Variants in BCAS3 observed in about 807,000 individuals in gnomAD.
BCAS3 encodes BCAS4/BCAS3 fusion.
A neutral mutation model predicts 116.1 loss-of-function variants in BCAS3; 53 were observed. That is an observed-to-expected ratio of 0.46 (90% confidence interval 0.37 to 0.57). The LOEUF is 0.57. Among genes scored for constraint, BCAS3 ranks in the 20% least tolerant of loss-of-function variants. The pLI, the probability that BCAS3 is intolerant of heterozygous loss-of-function variation, is 0.00. For missense variants in BCAS3, 917 were observed against 1,165.4 expected (o/e 0.79, Z 3.10); for synonymous variants, 391 against 408.2 (o/e 0.96, Z 0.51).
rs2076485126 is a variant in BCAS3 at position 61,134,045 on chromosome 17, AG to A, written c.2425+49484del. Among the ~76,000 whole-genome samples the A allele has an allele frequency of 6.6e-6, 1 of 152,198 alleles. No homozygotes were observed. Among genetic ancestry groups the A allele is most frequent in the African/African-American group, 2.4e-5 (1 of 41,456 alleles). ...AAGACTGCAAAGTAATTTTAAATTG[AG>A]GGATGTACTAACAAAGGAGTCATAT... is the stretch of plus-strand genomic sequence containing the variant. On this transcript the variant is annotated intron_variant, in intron 22 of 23. Transcript: ENST00000407086. The surrounding 1 kb of genome is among the most constrained non-coding windows in gnomAD (Gnocchi z 4.6).
chr17:60,812,987 C>T (rs895359703), intron 7 of BCAS3, among the ~76,000 whole-genome samples: 2 of 152,264 alleles, frequency 1.3e-5, no homozygotes, highest in South Asian at 4.2e-4. Context: ...AAGCAATCCT[C>T]CTATCCCAGC....
At chr17:60,868,831 C>CT in intron 8 of BCAS3, 148 bp downstream of exon 8, 1 of 485,686 alleles carries the variant, frequency 2.1e-6, no homozygotes. Flanking sequence ...TGGAATAACT[C>CT]TAAGATTTCT....
intron 5 of BCAS3, among the ~76,000 whole-genome samples, chr17:60,746,026 A>G (rs2041987407): frequency 6.6e-6 from 1 of 152,238 alleles, no homozygotes; most frequent in South Asian, 2.1e-4. Context: ...TACATCTTTG[A>G]TATTTTAAAC....
rs186327387 is a variant in BCAS3 at position 60,768,802 on chromosome 17, A to T, written c.403+21523A>T. On this transcript the variant is annotated intron_variant, in intron 6 of 23. Transcript: ENST00000407086. ...CTGCTCCAGGATGGCTTGCACTGGC[A>T]CCAGTGTCAGCGGGCCTAGGTGGTC... 4.4e-4 allele frequency among the ~76,000 whole-genome samples: 67 copies of T among 152,246 alleles called. 1 individual carries two copies. The highest frequency in any genetic ancestry group is 4.1e-3 in the Admixed American group (62 of 15,278).
chr17:60,924,518 C>A lies in BCAS3; in HGVS notation c.1087+18C>A. ...TACAAGTGGTAAGTTCGCTCTCTGT[C>A]TTTTTTTTTTTTTTTTTTGTAGACC... On this transcript the variant is annotated intron_variant, in intron 13 of 23. Coordinates refer to ENST00000407086, the MANE Select transcript of BCAS3 (RefSeq NM_017679.5). The A allele has an allele frequency of 4.3e-4, 472 of 1,099,864 alleles. No individual in the cohort carries two copies. The highest frequency in any genetic ancestry group is 5.4e-4 in the Non-Finnish European group (435 of 801,468). 68.1% of individuals were successfully genotyped at this position (1,099,864 alleles called of 1,614,324 possible).
chr17:60,756,599 G>T (rs906209334), intron 6 of BCAS3, among the ~76,000 whole-genome samples: 2 of 152,124 alleles, frequency 1.3e-5, no homozygotes, highest in African/African-American at 2.4e-5. Flanking sequence ...GCAGTGACAT[G>T]ATTTTATTAT....
chr17:60,923,556 A>G (rs1220571538), intron 12 of BCAS3, among the ~76,000 whole-genome samples: 1 of 152,134 alleles, frequency 6.6e-6, no homozygotes, highest in Non-Finnish European at 1.5e-5. Context: ...TTTTTGAGAG[A>G]AAAAAATAGC....
In BCAS3 at chr17:61,063,427, G is replaced by A. The variant is rs947968834; in HGVS notation, c.2030-11493G>A. Among the ~76,000 whole-genome samples, 1 of 151,768 alleles carries A rather than the reference G, an allele frequency of 6.6e-6. No homozygotes were observed. Among genetic ancestry groups the A allele is most frequent in the South Asian group, 2.1e-4 (1 of 4,800 alleles). On this transcript the variant is annotated intron_variant, in intron 19 of 23. Coordinates refer to ENST00000407086, the MANE Select transcript of BCAS3 (RefSeq NM_017679.5). This position sits in a 1 kb window ranked among gnomAD's most constrained non-coding sequence, Gnocchi z 5.3. ...TGGGACTACAGGCACCTGCCACCACGCTTGCTAATTTTTTATATTTTTAGT... is the reference window on the plus strand; with the variant it reads ...TGGGACTACAGGCACCTGCCACCACACTTGCTAATTTTTTATATTTTTAGT...
rs2057885052 is a variant in BCAS3 at position 61,352,099 on chromosome 17, C to T, written c.2426-16228C>T. On this transcript the variant is annotated intron_variant, in intron 22 of 23. Coordinates refer to ENST00000407086, the MANE Select transcript of BCAS3 (RefSeq NM_017679.5). The surrounding 1 kb of genome is among the most constrained non-coding windows in gnomAD (Gnocchi z 4.7). ...TCTAGTAGTTTTTCAACCCTAAAGG[C>T]ATTTCTAAAACTAAAATGAAACAGT... is the stretch of plus-strand genomic sequence containing the variant. 6.6e-6 allele frequency among the ~76,000 whole-genome samples: 1 copy of T among 152,216 alleles called. No homozygotes were observed. Among genetic ancestry groups the T allele is most frequent in the African/African-American group, 2.4e-5 (1 of 41,468 alleles).
rs1215048655 is a variant in BCAS3, at chr17:61,307,538, G to A, written c.2426-60789G>A. 1.3e-5 allele frequency among the ~76,000 whole-genome samples: 2 copies of A among 152,118 alleles called. No homozygotes were observed. Among genetic ancestry groups the A allele is most frequent in the African/African-American group, 2.4e-5 (1 of 41,420 alleles). On this transcript the variant is annotated intron_variant, in intron 22 of 23. Transcript: ENST00000407086. This position sits in a 1 kb window ranked among gnomAD's most constrained non-coding sequence, Gnocchi z 4.7. ...CTTTAAACTGTGTCTTCTGTGTTTG[G>A]TGTCTACCTGTGTAAAATAGGAATA...
Position 61,300,827 on chromosome 17 carries a change from T to A in BCAS3, c.2426-67500T>A, listed in dbSNP as rs2053371411. Among the ~76,000 whole-genome samples, 1 of 151,742 alleles carries A rather than the reference T, an allele frequency of 6.6e-6. No homozygotes were observed. The highest frequency in any genetic ancestry group is 1.5e-5 in the Non-Finnish European group (1 of 67,946). ...TCCAGCAGCTTTCCTCCTCCCTCCCTCTTCTAGCCTCTGCCCAGGAATCAT... is the reference window on the plus strand; with the variant it reads ...TCCAGCAGCTTTCCTCCTCCCTCCCACTTCTAGCCTCTGCCCAGGAATCAT... On this transcript the variant is annotated intron_variant, in intron 22 of 23. Coordinates refer to ENST00000407086, the MANE Select transcript of BCAS3 (RefSeq NM_017679.5). The surrounding 1 kb of genome is among the most constrained non-coding windows in gnomAD (Gnocchi z 5.1).
In BCAS3 at chr17:61,313,010, G is replaced by A. The variant is rs1013435882; in HGVS notation, c.2426-55317G>A. On this transcript the variant is annotated intron_variant, in intron 22 of 23. Transcript: ENST00000407086. The surrounding 1 kb of genome is among the most constrained non-coding windows in gnomAD (Gnocchi z 4.3). ...GTGAATAAGCACTTCCCAAGTGCCA[G>A]GTACAAAGTTAGACACTTCCCATCT... 7.2e-5 allele frequency among the ~76,000 whole-genome samples: 11 copies of A among 152,216 alleles called. No individual in the cohort carries two copies. The highest frequency in any genetic ancestry group is 1.3e-4 in the Non-Finnish European group (9 of 68,038).
At chr17:61,046,730 C>G (rs942273895) in intron 19 of BCAS3, among the ~76,000 whole-genome samples, 1 of 151,874 alleles carries the variant, frequency 6.6e-6, no homozygotes, top group Non-Finnish European at 1.5e-5. Context: ...GGAAGGCTGA[C>G]TGTATAACTT....
At chr17:61,308,261 G>A (rs556537069) in intron 22 of BCAS3, among the ~76,000 whole-genome samples, 66 of 152,186 alleles carry the variant, frequency 4.3e-4, no homozygotes, top group African/African-American at 1.4e-3. Flanking sequence ...CCATCATGAT[G>A]ATAGTAACCA....
intron 11 of BCAS3, among the ~76,000 whole-genome samples, chr17:60,909,543 A>G (rs1045641656): frequency 3.9e-5 from 6 of 152,108 alleles, no homozygotes; most frequent in Non-Finnish European, 8.8e-5. Context: ...GTAATTTTTG[A>G]TGTGTCTAAG....
At chr17:60,863,856 T>TA (rs78592347) in intron 7 of BCAS3, among the ~76,000 whole-genome samples, 4,622 of 152,324 alleles carry the variant, frequency 0.03, 179 homozygotes, top group East Asian at 0.091. Flanking sequence ...ACTTTATTGC[T>TA]AAAAAATACT....
intron 2 of BCAS3, among the ~76,000 whole-genome samples, chr17:60,683,426 A>G (rs2033488093): frequency 6.8e-6 from 1 of 146,190 alleles, no homozygotes; most frequent in Admixed American, 7.1e-5. Context: ...TTAAAAGCCC[A>G]TTTACATTTA....
At chr17:60,880,922 C>T (rs145386065) in intron 9 of BCAS3, among the ~76,000 whole-genome samples, 12 of 152,030 alleles carry the variant, frequency 7.9e-5, no homozygotes, top group African/African-American at 2.9e-4. Flanking sequence ...AATGTTCCCT[C>T]ATTCTTTAGA....
rs1210380578 is a variant in BCAS3 at position 61,326,313 on chromosome 17, A to C, written c.2426-42014A>C. Among the ~76,000 whole-genome samples, 1 of 152,170 alleles carries C rather than the reference A, an allele frequency of 6.6e-6. No homozygotes were observed. The highest frequency in any genetic ancestry group is 1.5e-5 in the Non-Finnish European group (1 of 68,028). On this transcript the variant is annotated intron_variant, in intron 22 of 23. Coordinates refer to ENST00000407086, the MANE Select transcript of BCAS3 (RefSeq NM_017679.5). The surrounding 1 kb of genome is among the most constrained non-coding windows in gnomAD (Gnocchi z 5.3). ...AGGGGAAGAGGAAAAAGAAATGCTT[A>C]AGGAGTTGAAAGAGGGCCTGGGTGG...
Sources: allele counts gnomAD v4.1 joint callset (sites outside exome capture counted in the v4.1 genomes callset), GRCh38; gene constraint gnomAD v4.1.1; non-coding constraint Gnocchi (gnomAD v3.1); transcripts MANE v1.5; gene names NCBI Gene and HGNC (gene_info 2026-07-23, HGNC 2026-07-21).